Variants in HBEGF observed in about 807,000 individuals in gnomAD.
The protein encoded by HBEGF is heparin binding EGF like growth factor, also known as proheparin-binding EGF-like growth factor.
In HBEGF, 8 loss-of-function variants were observed where a neutral mutation model predicts 19.5. The observed-to-expected ratio is 0.41, with a 90% CI of 0.24 to 0.74. The LOEUF (loss-of-function observed/expected upper bound fraction) is 0.74. HBEGF is among the 30% of genes least tolerant of loss of function. HBEGF has a pLI of 0.32. For missense variants in HBEGF, 207 were observed against 256.9 expected (o/e 0.81, Z 1.33); for synonymous variants, 97 against 108.9 (o/e 0.89, Z 0.68).
Position 140,335,861 on chromosome 5 carries a change from C to T in HBEGF, c.554+11G>A. 1.2e-6 allele frequency: 2 copies of T among 1,613,458 alleles called. No homozygotes were observed. The highest frequency in any genetic ancestry group is 8.5e-7 in the Non-Finnish European group (1 of 1,179,710). ...TTGCAGAAACAGCCTGCAGGGGACCCCAACACTCACCTAAACATGAGAAGC... is the reference window on the plus strand; with the variant it reads ...TTGCAGAAACAGCCTGCAGGGGACCTCAACACTCACCTAAACATGAGAAGC... On this transcript the variant is annotated intron_variant, in intron 4 of 5. Transcript: ENST00000230990.
At chr5:140,345,425 T>A (rs571307901) in intron 2 of HBEGF, among the ~76,000 whole-genome samples, 1 of 152,152 alleles carries the variant, frequency 6.6e-6, no homozygotes, top group African/African-American at 2.4e-5. Context: ...AGCTCCTCAT[T>A]CCCCTCTGTT....
rs937387206 is a variant in HBEGF, at chr5:140,334,707, T to G, written c.596A>C (p.Lys199Thr). Residue 199 changes from lysine to threonine, a missense_variant, in exon 5 of 6, where the codon AAA becomes ACA. Around this residue, in one of 3 missense-constraint regions of HBEGF, gnomAD observed 77 missense variants for 106.9 expected, o/e 0.72. Transcript: ENST00000230990. ...RGGYDVENEEKVKLGMTNSH is the reference protein window; with the variant it reads ...RGGYDVENEETVKLGMTNSH ...GGAATTAGTCATGCCCAACTTCACT[T>G]TCTCTTCATTTTCCACATCATAACC... 3 of 1,613,952 alleles carry G rather than the reference T, an allele frequency of 1.9e-6. No homozygotes were observed. The Admixed American group carries it at 5.0e-5, about 27-fold the overall frequency.
rs1417493435 is a variant in HBEGF at position 140,335,949 on chromosome 5, G to A, written c.477C>T (p.His159=). ...PVENRLYTYD[H]TTILAVVAVV... ...CAGCCACCACGGCCAGGATGGTTGT[G>A]TGGTCATAGGTATATAAGCGATTTT... Residue 159 remains histidine (H), a synonymous_variant, in exon 4 of 6, where the codon CAC becomes CAT. Transcript: ENST00000230990. The A allele has an allele frequency of 3.7e-6, 6 of 1,614,202 alleles. No homozygotes were observed. The East Asian group carries it at 8.9e-5, about 24-fold the overall frequency.
In HBEGF at chr5:140,334,738, T is replaced by C. The variant is rs1221309557; in HGVS notation, c.565A>G (p.Arg189Gly). 6.2e-7 allele frequency: 1 copy of C among 1,613,234 alleles called. No individual in the cohort carries two copies. The highest frequency in any genetic ancestry group is 1.3e-5 in the African/African-American group (1 of 74,888). Residue 189 changes from arginine to glycine, a missense_variant, in exon 5 of 6, where the codon AGA becomes GGA. By Grantham distance (125) the Arg-to-Gly change is moderately radical. Transcript: ENST00000230990. ...TCATTTTCCACATCATAACCTCCTC[T>C]CCTATGGTACCTGAGGAAGATAAGT... ...VGLLMFRYHR[R>G]GGYDVENEEK...
At chr5:140,338,642 TC>T (rs1766263348) in intron 3 of HBEGF, among the ~76,000 whole-genome samples, 2 of 151,904 alleles carry the variant, frequency 1.3e-5, no homozygotes, top group Non-Finnish European at 2.9e-5. Flanking sequence ...ATTACCTACC[TC>T]CCCCTCCCTT....
chr5:140,346,561 A>C lies in HBEGF; in HGVS notation c.-233T>G. Reference sequence around the variant, plus strand: ...CCGCCCGACCCCGCGCGCCTAGGTCAGGCCAGCCAGCAGCGTGGCCCGCGT... The same window carrying C: ...CCGCCCGACCCCGCGCGCCTAGGTCCGGCCAGCCAGCAGCGTGGCCCGCGT... On this transcript the variant is annotated 5_prime_UTR_variant, in exon 1 of 6. Coordinates refer to ENST00000230990, the MANE Select transcript of HBEGF (RefSeq NM_001945.3). This position sits in a 1 kb window ranked among gnomAD's most constrained non-coding sequence, Gnocchi z 6.1. 1 of 580,916 alleles carries C rather than the reference A, an allele frequency of 1.7e-6. No homozygotes were observed. The highest frequency in any genetic ancestry group is 2.9e-5 in the East Asian group (1 of 34,050). The allele number at this position is 580,916 out of a possible 1,614,324, so 36.0% of individuals were successfully genotyped here. A position where few individuals can be genotyped will look rare whatever the true frequency, so the allele number is the denominator to read the frequency against.
intron 3 of HBEGF, among the ~76,000 whole-genome samples, 170 bp downstream of exon 3, chr5:140,342,465 G>A (rs1257995029): frequency 6.6e-6 from 1 of 152,210 alleles, no homozygotes; most frequent in Non-Finnish European, 1.5e-5. Context: ...CTATAGGGGG[G>A]AGGGGGCTTC....
chr5:140,338,014 C>T (rs1766253693), intron 3 of HBEGF, among the ~76,000 whole-genome samples: 1 of 152,142 alleles, frequency 6.6e-6, no homozygotes, highest in African/African-American at 2.4e-5. Flanking sequence ...AAGTGATTCA[C>T]CAAAAGTGGC....
chr5:140,339,217 T>C (rs1176913356), intron 3 of HBEGF, among the ~76,000 whole-genome samples: 1 of 152,138 alleles, frequency 6.6e-6, no homozygotes, highest in Non-Finnish European at 1.5e-5. Context: ...TCACCATTCC[T>C]TCTTAGCACC....
chr5:140,338,958 A>G (rs1430609711), intron 3 of HBEGF, among the ~76,000 whole-genome samples: 3 of 152,226 alleles, frequency 2.0e-5, no homozygotes, highest in Non-Finnish European at 4.4e-5. Context: ...TGCTATTTCT[A>G]GCCAGGTAAT....
chr5:140,336,058 A>T (rs1479695464), intron 3 of HBEGF, 31 bp from the exon 4 acceptor site: 1 of 1,607,340 alleles, frequency 6.2e-7, no homozygotes, highest in Non-Finnish European at 8.5e-7. Context: ...AAGGAGATGG[A>T]GTTAGTGCTT....
At chr5:140,337,396 C>A (rs1448765667) in intron 3 of HBEGF, among the ~76,000 whole-genome samples, 2 of 152,190 alleles carry the variant, frequency 1.3e-5, no homozygotes, top group Non-Finnish European at 2.9e-5. Context: ...TGCCTACCAT[C>A]CAGCCAGGGG....
In HBEGF at chr5:140,334,692, A is replaced by G; in HGVS notation, c.611T>C (p.Met204Thr). 4 of 1,613,276 alleles carry G rather than the reference A, an allele frequency of 2.5e-6. No individual in the cohort carries two copies. ...VENEEKVKLG[M>T]TNSH ...AAGTCTCTCTCAGTGGGAATTAGTC[A>G]TGCCCAACTTCACTTTCTCTTCATT... is the stretch of plus-strand genomic sequence containing the variant. Residue 204 changes from methionine (M) to threonine (T), a missense_variant, in exon 5 of 6, where the codon ATG (methionine) becomes ACG (threonine). Around this residue, in one of 3 missense-constraint regions of HBEGF, gnomAD observed 77 missense variants for 106.9 expected, o/e 0.72. Coordinates refer to ENST00000230990, the MANE Select transcript of HBEGF (RefSeq NM_001945.3).
intron 3 of HBEGF, among the ~76,000 whole-genome samples, chr5:140,342,357 G>A (rs181980678): frequency 6.6e-6 from 1 of 152,252 alleles, no homozygotes; most frequent in Admixed American, 6.5e-5. Context: ...CTGCCTTCAG[G>A]TGCCAGCTGT....
intron 3 of HBEGF, among the ~76,000 whole-genome samples, chr5:140,338,616 A>G (rs1561540326): frequency 6.6e-6 from 1 of 152,182 alleles, no homozygotes; most frequent in Non-Finnish European, 1.5e-5. Flanking sequence ...AAGGATAATA[A>G]TGTAAACATC....
chr5:140,335,550 A>T (rs921180853), intron 4 of HBEGF, among the ~76,000 whole-genome samples: 1 of 152,076 alleles, frequency 6.6e-6, no homozygotes, highest in African/African-American at 2.4e-5. Flanking sequence ...CAAACCACAT[A>T]CTAATGCCAT....
At chr5:140,339,559 A>G (rs1254087447) in intron 3 of HBEGF, among the ~76,000 whole-genome samples, 1 of 151,792 alleles carries the variant, frequency 6.6e-6, no homozygotes, top group Non-Finnish European at 1.5e-5. Flanking sequence ...CACCCAGCTA[A>G]TTTTTGTATT....
At chr5:140,345,887 A>G (rs1235672347) in intron 2 of HBEGF, 24 bp downstream of exon 2, 8 of 1,613,592 alleles carry the variant, frequency 5.0e-6, no homozygotes, top group Non-Finnish European at 6.8e-6. Flanking sequence ...CCAAGGTCCA[A>G]GGATGGGGGG....
At chr5:140,343,518 T>C (rs1307638477) in intron 2 of HBEGF, among the ~76,000 whole-genome samples, 1 of 152,172 alleles carries the variant, frequency 6.6e-6, no homozygotes, top group Non-Finnish European at 1.5e-5. Flanking sequence ...TAACCCCCAA[T>C]GTCCTGTTTA....
Sources: allele counts gnomAD v4.1 joint callset (sites outside exome capture counted in the v4.1 genomes callset), GRCh38; gene constraint gnomAD v4.1.1; regional missense constraint gnomAD v4.1.1; non-coding constraint Gnocchi (gnomAD v3.1); transcripts MANE v1.5; gene names NCBI Gene and HGNC (gene_info 2026-07-23, HGNC 2026-07-21).